The following HTT variants were observed in gnomAD, a reference collection of about 807,000 sequenced individuals.
HTT encodes huntington disease protein.
Under a neutral mutation model 362.3 loss-of-function variants are expected in HTT, and 104 were observed. The observed-to-expected ratio is 0.29, with a 90% CI of 0.24 to 0.34. HTT has a LOEUF of 0.34. HTT is among the 10% of genes least tolerant of loss of function. The pLI, the probability that HTT is intolerant of heterozygous loss-of-function variation, is 1.00. For missense variants in HTT, 3,301 were observed against 3,928.6 expected (o/e 0.84, Z 4.27); for synonymous variants, 1,577 against 1,548.7 (o/e 1.02, Z -0.43).
chr4:3,201,465 G>A (rs1025250998), intron 41 of HTT, among the ~76,000 whole-genome samples: 1 of 149,112 alleles, frequency 6.7e-6, no homozygotes, highest in Non-Finnish European at 1.5e-5. Context: ...AGGAGGAAAA[G>A]GTTGCAGTGA....
chr4:3,231,954 T>C (rs1721273850), intron 60 of HTT, among the ~76,000 whole-genome samples: 1 of 152,178 alleles, frequency 6.6e-6, no homozygotes, highest in Admixed American at 6.5e-5. Flanking sequence ...CACTCATGCT[T>C]TCTGGAAGAT....
intron 10 of HTT, among the ~76,000 whole-genome samples, 182 bp from the exon 11 acceptor site, chr4:3,125,367 C>T (rs1399514332): frequency 2.6e-5 from 4 of 152,086 alleles, no homozygotes; most frequent in South Asian, 4.1e-4. Context: ...GCATTCTAAA[C>T]ATAACATCTC....
intron 29 of HTT, among the ~76,000 whole-genome samples, chr4:3,165,326 G>A (rs1431352696): frequency 2.0e-5 from 3 of 152,232 alleles, no homozygotes; most frequent in Admixed American, 1.3e-4. Context: ...TGGGTAACCC[G>A]ACCTTTCTCT....
At chr4:3,109,121 A>G (rs1714593331) in intron 6 of HTT, among the ~76,000 whole-genome samples, 1 of 152,082 alleles carries the variant, frequency 6.6e-6, no homozygotes, top group South Asian at 2.1e-4. Context: ...GATTATAAAC[A>G]AAGATAGTAG....
At chr4:3,079,790 C>T (rs1712791742) in intron 1 of HTT, among the ~76,000 whole-genome samples, 1 of 152,154 alleles carries the variant, frequency 6.6e-6, no homozygotes, top group Non-Finnish European at 1.5e-5. Flanking sequence ...CCGGCAAAAG[C>T]AGAAACCAGT....
intron 35 of HTT, among the ~76,000 whole-genome samples, chr4:3,179,374 C>A (rs1172693557): frequency 6.6e-6 from 1 of 152,180 alleles, no homozygotes; most frequent in Non-Finnish European, 1.5e-5. Context: ...AGTAGGCAAC[C>A]ACACCCAGTA....
Position 3,132,755 on chromosome 4 carries a change from T to G in HTT, c.2395+35T>G, listed in dbSNP as rs777881642. ...AGTTTTTCAGCTGTGTTTTTTCTAG[T>G]TATGCTTACTAAGGTTTAAGTTTAG... On this transcript the variant is annotated intron_variant, in intron 17 of 66. Coordinates refer to ENST00000355072, the MANE Select transcript of HTT (RefSeq NM_001388492.1). 10 of 1,613,460 alleles carry G rather than the reference T, an allele frequency of 6.2e-6. No homozygotes were observed. In the East Asian group the frequency reaches 6.7e-5, roughly 11 times the overall value.
Position 3,218,377 on chromosome 4 carries a change from A to G in HTT, c.7242+425A>G, listed in dbSNP as rs540727123. 1.3e-4 allele frequency among the ~76,000 whole-genome samples: 20 copies of G among 152,344 alleles called. No individual in the cohort carries two copies. Among genetic ancestry groups the G allele is most frequent in the Non-Finnish European group, 2.5e-4 (17 of 68,030 alleles). ...GCCAGGCGCAGTAGCTCATGCCTGT[A>G]ATCCCAGCACTTTGGGAAGCCAAGG... is the stretch of plus-strand genomic sequence containing the variant. On this transcript the variant is annotated intron_variant, in intron 52 of 66. Transcript: ENST00000355072. The surrounding 1 kb of genome is among the most constrained non-coding windows in gnomAD (Gnocchi z 4.4).
chr4:3,119,379 T>G (rs572018606), intron 8 of HTT, among the ~76,000 whole-genome samples: 3 of 152,170 alleles, frequency 2.0e-5, no homozygotes, highest in Non-Finnish European at 4.4e-5. Context: ...AGTAATAGAT[T>G]AGAGTAAGAG....
intron 26 of HTT, among the ~76,000 whole-genome samples, chr4:3,151,605 T>C (rs1309016228): frequency 6.6e-6 from 1 of 152,154 alleles, no homozygotes. Context: ...TGAACCCTAT[T>C]GTGAACTGCA....
At chr4:3,207,978 C>T (rs1485527376) in intron 45 of HTT, among the ~76,000 whole-genome samples, 2 of 152,052 alleles carry the variant, frequency 1.3e-5, no homozygotes, top group Admixed American at 6.5e-5. Context: ...GAGAGAGAGA[C>T]AGCAGAGAAG....
chr4:3,099,123 T>G, intron 2 of HTT, 151 bp from the exon 3 acceptor site: 1 of 577,788 alleles, frequency 1.7e-6, no homozygotes, highest in East Asian at 2.9e-5. Context: ...GCTATTAACT[T>G]AAGTCCAGAC....
intron 61 of HTT, among the ~76,000 whole-genome samples, chr4:3,234,862 G>A (rs767233815): frequency 1.3e-5 from 2 of 152,222 alleles, no homozygotes; most frequent in Non-Finnish European, 2.9e-5. Context: ...GGGGAAGGCC[G>A]GCGCTGTCGG....
intron 33 of HTT, among the ~76,000 whole-genome samples, chr4:3,176,494 G>A (rs942014591): frequency 6.6e-6 from 1 of 152,190 alleles, no homozygotes; most frequent in Non-Finnish European, 1.5e-5. Context: ...TTGACACTAG[G>A]AGGCTGACTG....
rs1718155836 is a variant in HTT, at chr4:3,174,792, C to T, written c.4238C>T (p.Ala1413Val). ...TNLTSVTKNR[A>V]DKNAIHNHIR... is the part of the protein sequence containing the mutation. ...CTCACGAGTGTCACAAAGAACCGTG[C>T]AGATAAGGTAAATGGTGCCGTTTGT... Residue 1413 changes from alanine to valine, a missense_variant, in exon 32 of 67, where the codon GCA becomes GTA. Ala to Val is a moderately conservative substitution (Grantham distance 64). Around this residue, in one of 4 missense-constraint regions of HTT, gnomAD observed 2,316 missense variants for 2,658.5 expected, o/e 0.87. Coordinates refer to ENST00000355072, the MANE Select transcript of HTT (RefSeq NM_001388492.1). 1 of 1,613,704 alleles carries T rather than the reference C, an allele frequency of 6.2e-7. No individual in the cohort carries two copies. Among genetic ancestry groups the T allele is most frequent in the African/African-American group, 1.3e-5 (1 of 74,898 alleles).
intron 29 of HTT, among the ~76,000 whole-genome samples, chr4:3,171,721 C>T (rs1368949794): frequency 1.3e-5 from 2 of 152,184 alleles, no homozygotes; most frequent in Admixed American, 6.5e-5. Flanking sequence ...AAGTGATGCA[C>T]CTGCCTCGAT....
chr4:3,115,244 A>G (rs1714958404), intron 6 of HTT, 60 bp from the exon 7 acceptor site: 2 of 1,519,288 alleles, frequency 1.3e-6, no homozygotes, highest in East Asian at 2.3e-5. Context: ...GTTTTATGTA[A>G]TACATGATAA....
chr4:3,226,015 C>G (rs1205959542), intron 57 of HTT, among the ~76,000 whole-genome samples: 1 of 152,078 alleles, frequency 6.6e-6, no homozygotes, highest in African/African-American at 2.4e-5. Context: ...GTGTAAGAGA[C>G]AGTGAGAGGG....
intron 28 of HTT, among the ~76,000 whole-genome samples, chr4:3,160,060 C>T (rs1717360800): frequency 6.6e-6 from 1 of 152,184 alleles, no homozygotes; most frequent in Non-Finnish European, 1.5e-5. Flanking sequence ...AACCTGAAAG[C>T]CTTTGAAAGA....
Sources: gnomAD v4.1 joint callset for allele counts (sites outside exome capture counted in the v4.1 genomes callset) on GRCh38, gnomAD v4.1.1 for gene constraint, gnomAD v4.1.1 regional missense constraint, Gnocchi (gnomAD v3.1) non-coding constraint, MANE v1.5 for transcripts, NCBI Gene and HGNC (gene_info 2026-07-23, HGNC 2026-07-21) for gene names.